PAQR5: variants seen among roughly 807,000 people sequenced by gnomAD.
PAQR5 encodes progestin and adipoQ receptor family member 5.
In PAQR5, 20 loss-of-function variants were observed where a neutral mutation model predicts 34.5. That is an observed-to-expected ratio of 0.58 (90% CI 0.41 to 0.84). The LOEUF is 0.84. Ranked by LOEUF, PAQR5 falls within the 40% of genes least tolerant of loss-of-function variation. PAQR5 has a pLI of 0.00. For missense variants in PAQR5, 378 were observed against 412.7 expected, an observed-to-expected ratio of 0.92 and a Z score of 0.73; for synonymous variants, 131 against 155.6, an observed-to-expected ratio of 0.84 and a Z score of 1.18.
At chr15:69,389,191 C>G (rs1030099523) in intron 5 of PAQR5, among the ~76,000 whole-genome samples, 1 of 152,200 alleles carries the variant, frequency 6.6e-6, no homozygotes, top group Non-Finnish European at 1.5e-5. Flanking sequence ...GATGTGCACA[C>G]TCTGAGTAGA....
At chr15:69,402,281 TTGTATACG>T (rs1296942551) in intron 8 of PAQR5, among the ~76,000 whole-genome samples, 2 of 152,174 alleles carry the variant, frequency 1.3e-5, no homozygotes, top group Admixed American at 6.5e-5. Flanking sequence ...GATCTTTTTC[TTGTATACG>T]TGCATGTCTG....
rs180978756 is a variant in PAQR5, at chr15:69,335,704, C to T, written c.-276-1637C>T. On this transcript the variant is annotated intron_variant, in intron 1 of 8. Transcript: ENST00000395407. Reference sequence around the variant, plus strand: ...TAGCTGGGATTACAGATGCATGCCACCCTTAGGTTAAAGCATTAAAATCAT... The same window carrying T: ...TAGCTGGGATTACAGATGCATGCCATCCTTAGGTTAAAGCATTAAAATCAT... Among the ~76,000 whole-genome samples, 357 of 152,094 alleles carry T rather than the reference C, an allele frequency of 2.3e-3. 1 individual carries two copies. The highest frequency in any genetic ancestry group is 8.0e-3 in the African/African-American group (332 of 41,478).
At chr15:69,371,108 GTTAAA>G (rs199868030) in intron 3 of PAQR5, among the ~76,000 whole-genome samples, 2,171 of 152,212 alleles carry the variant, frequency 0.014, 56 homozygotes, top group African/African-American at 0.05. Flanking sequence ...TGACAATGAT[GTTAAA>G]TTAAACCACT....
intron 1 of PAQR5, among the ~76,000 whole-genome samples, chr15:69,316,521 GTTAC>G (rs2053954995): frequency 6.6e-6 from 1 of 152,220 alleles, no homozygotes; most frequent in South Asian, 2.1e-4. Flanking sequence ...TGTGAAATGT[GTTAC>G]TTACGATATT....
Position 69,333,449 on chromosome 15 carries a change from A to T in PAQR5, c.-276-3892A>T, listed in dbSNP as rs185343954. On this transcript the variant is annotated intron_variant, in intron 1 of 8. Transcript: ENST00000395407. ...AGGGAGTGGCTAATAGTAGTTGTGG[A>T]GGGATACTTGACTCTGCACACTTGG... Among the ~76,000 whole-genome samples the T allele has an allele frequency of 2.6e-5, 4 of 152,256 alleles. No individual in the cohort carries two copies. In the East Asian group the frequency reaches 7.7e-4, roughly 29 times the overall value.
intron 5 of PAQR5, among the ~76,000 whole-genome samples, chr15:69,389,409 G>A (rs1183027405): frequency 6.6e-6 from 1 of 152,244 alleles, no homozygotes; most frequent in Non-Finnish European, 1.5e-5. Flanking sequence ...GAAGTATTAT[G>A]TGAGGTCATA....
intron 1 of PAQR5, among the ~76,000 whole-genome samples, chr15:69,308,243 C>A (rs1451473647): frequency 6.6e-6 from 1 of 152,094 alleles, no homozygotes; most frequent in Admixed American, 6.5e-5. Flanking sequence ...GGTTTGGGCA[C>A]TGTGGGTAGA....
In PAQR5 at chr15:69,300,944, TTTCC is replaced by T. The variant is rs1296342154; in HGVS notation, c.-277+1892_-277+1895del. Among the ~76,000 whole-genome samples, 12 of 35,854 alleles carry T rather than the reference TTTCC, an allele frequency of 3.3e-4. 1 individual carries two copies. The highest frequency in any genetic ancestry group is 8.6e-4 in the African/African-American group (11 of 12,764). The allele number at this position is 35,854 out of a possible 152,430, so 23.5% of individuals were successfully genotyped here. A position where few individuals can be genotyped will look rare whatever the true frequency, so the allele number is the denominator to read the frequency against. ...CTCTCTCTCTCTCTCTCTCTCTTTC[TTTCC>T]TTCTTTCTTTCTTTCTTTCTTTCTT... On this transcript the variant is annotated intron_variant, in intron 1 of 8. Transcript: ENST00000395407.
At chr15:69,327,728 A>G (rs775167346) in intron 1 of PAQR5, among the ~76,000 whole-genome samples, 6 of 152,048 alleles carry the variant, frequency 3.9e-5, no homozygotes, top group Non-Finnish European at 7.4e-5. Context: ...GGGAGGAGAG[A>G]GGAGGTTTTC....
intron 1 of PAQR5, among the ~76,000 whole-genome samples, chr15:69,301,590 A>G (rs887777987): frequency 2.0e-5 from 3 of 152,194 alleles, no homozygotes; most frequent in Non-Finnish European, 4.4e-5. Flanking sequence ...CAATTTCCTC[A>G]TCTGTAAAAT....
At chr15:69,299,488 C>T (rs2053476268) in intron 1 of PAQR5, among the ~76,000 whole-genome samples, 1 of 152,192 alleles carries the variant, frequency 6.6e-6, no homozygotes, top group South Asian at 2.1e-4. Context: ...CTTCCCGCCT[C>T]CTGAGCCCAG....
intron 5 of PAQR5, among the ~76,000 whole-genome samples, chr15:69,386,460 A>G: frequency 6.6e-6 from 1 of 151,926 alleles, no homozygotes; most frequent in Admixed American, 6.6e-5. Flanking sequence ...GAGAGTGGGG[A>G]ATGTGCGTGC....
rs1424282612 is a variant in PAQR5, at chr15:69,389,782, T to TCAG, written c.512+2_512+3insCAG. ...CACAGGCCTCTCCTGCTACTCCAGG[T>TCAG]ACTGGTCGCTCTGACCTCAGATGGG... On this transcript the variant is annotated splice_region_variant and intron_variant, in intron 6 of 8. Coordinates refer to ENST00000395407, the MANE Select transcript of PAQR5 (RefSeq NM_017705.4). 1 of 1,614,024 alleles carries TCAG rather than the reference T, an allele frequency of 6.2e-7. No individual in the cohort carries two copies. Among genetic ancestry groups the TCAG allele is most frequent in the Admixed American group, 1.7e-5 (1 of 60,020 alleles).
chr15:69,336,938 G>T (rs981059979), intron 1 of PAQR5, among the ~76,000 whole-genome samples: 2 of 152,168 alleles, frequency 1.3e-5, no homozygotes, highest in African/African-American at 4.8e-5. Flanking sequence ...TTTAATAGTG[G>T]CTATAGACTT....
intron 3 of PAQR5, among the ~76,000 whole-genome samples, chr15:69,372,242 A>C (rs1482965561): frequency 1.3e-5 from 2 of 152,114 alleles, no homozygotes; most frequent in East Asian, 4.0e-4. Context: ...ATTGTGCTGC[A>C]CGTAAAAAAA....
chr15:69,389,511 A>G (rs1363083608), intron 5 of PAQR5, 143 bp from the exon 6 acceptor site: 2 of 1,003,112 alleles, frequency 2.0e-6, no homozygotes, highest in African/African-American at 3.2e-5. Flanking sequence ...ACATCCTAGA[A>G]GGGGGAATGG....
intron 8 of PAQR5, among the ~76,000 whole-genome samples, chr15:69,400,666 A>T (rs2056599290): frequency 6.6e-6 from 1 of 152,080 alleles, no homozygotes; most frequent in South Asian, 2.1e-4. Flanking sequence ...GGTGAGAGAG[A>T]TCCTATGTGA....
chr15:69,373,609 C>G lies in PAQR5; in HGVS notation c.52-6274C>G, dbSNP rs559662825. ...GCACACACTACCTGAGTTCTGTTTACTTTTCTTTTTTCGAGTCAGAGTCTC... is the reference window on the plus strand; with the variant it reads ...GCACACACTACCTGAGTTCTGTTTAGTTTTCTTTTTTCGAGTCAGAGTCTC... On this transcript the variant is annotated intron_variant, in intron 3 of 8. Transcript: ENST00000395407. Among the ~76,000 whole-genome samples, 14 of 152,230 alleles carry G rather than the reference C, an allele frequency of 9.2e-5. No homozygotes were observed. In the South Asian group the frequency reaches 2.7e-3, roughly 29 times the overall value.
At chr15:69,322,747 A>AGGGAGAAGAGGG (rs1566997742) in intron 1 of PAQR5, among the ~76,000 whole-genome samples, 1 of 40,724 alleles carries the variant, frequency 2.5e-5, no homozygotes, top group East Asian at 8.7e-4. Flanking sequence ...GAAGAAGAAG[A>AGGGAGAAGAGGG]AGAAGAAGAA....
Sources: allele counts gnomAD v4.1 joint callset (sites outside exome capture counted in the v4.1 genomes callset), GRCh38; gene constraint gnomAD v4.1.1; transcripts MANE v1.5; gene names NCBI Gene and HGNC (gene_info 2026-07-23, HGNC 2026-07-21).